Variants in ANGPTL4 observed in about 807,000 individuals in gnomAD.
ANGPTL4 encodes angiopoietin-related protein 4.
In ANGPTL4, 39 loss-of-function variants were observed where a neutral mutation model predicts 39.2. The ratio of observed to expected loss-of-function variants is 1.00; its 90% confidence interval spans 0.77 to 1.30. The LOEUF (loss-of-function observed/expected upper bound fraction) is 1.30, where lower values mean the gene tolerates loss of function less well. ANGPTL4 is among the 50% of genes most tolerant of loss of function. ANGPTL4 has a pLI of 0.00. For synonymous variants in ANGPTL4, 233 were observed against 229.5 expected, an observed-to-expected ratio of 1.02 and a Z score of -0.14; for missense variants, 545 against 549.8, an observed-to-expected ratio of 0.99 and a Z score of 0.09.
intron 6 of ANGPTL4, among the ~76,000 whole-genome samples, chr19:8,372,387 G>A (rs1971138313): frequency 6.7e-6 from 1 of 148,534 alleles, no homozygotes. Context: ...GTGCTCCACA[G>A]GATTCTTTTT....
Position 8,373,725 on chromosome 19 carries a change from T to C in ANGPTL4, c.1060T>C (p.Cys354Arg). 1.2e-6 allele frequency: 2 copies of C among 1,613,916 alleles called. No homozygotes were observed. Among genetic ancestry groups the C allele is most frequent in the Non-Finnish European group, 1.7e-6 (2 of 1,180,036 alleles). The change falls in exon 7 of 7, where the codon TGC (cysteine) becomes CGC (arginine). Residue 354 changes from cysteine (C) to arginine (R), a missense_variant. Coordinates refer to ENST00000301455, the MANE Select transcript of ANGPTL4 (RefSeq NM_139314.3). ...GGCAGGAGGCTGGTGGTTTGGCACC[T>C]GCAGCCATTCCAACCTCAACGGCCA... ...SLSGGWWFGT[C>R]SHSNLNGQYF...
chr19:8,370,957 T>A, intron 4 of ANGPTL4, 99 bp from the exon 5 acceptor site: 8 of 1,327,112 alleles, frequency 6.0e-6, no homozygotes, highest in Non-Finnish European at 8.5e-6. Context: ...GCTGCTGTCT[T>A]CCTGGGTTTG....
rs775492300 is a variant in ANGPTL4, at chr19:8,373,935, G to C, written c.*49G>C. The stretch of plus-strand genomic sequence containing the variant: ...GGCCCACGAAAGACGGTGACTCTTG[G>C]CTCTGCCCGAGGATGTGGCCGTTCC... On this transcript the variant is annotated 3_prime_UTR_variant, in exon 7 of 7. Coordinates refer to ENST00000301455, the MANE Select transcript of ANGPTL4 (RefSeq NM_139314.3). 1 of 1,599,522 alleles carries C rather than the reference G, an allele frequency of 6.3e-7. No individual in the cohort carries two copies. The highest frequency in any genetic ancestry group is 1.1e-5 in the South Asian group (1 of 90,684).
rs182136645 is a variant in ANGPTL4, at chr19:8,374,258, C to A, written c.*372C>A. On this transcript the variant is annotated 3_prime_UTR_variant, in exon 7 of 7. Coordinates refer to ENST00000301455, the MANE Select transcript of ANGPTL4 (RefSeq NM_139314.3). Reference sequence around the variant, plus strand: ...GACCAGGGCTTGTGTGGGTCGAGAGCGCCCTCATGGTGCTGGTGCTGTTGT... The same window carrying A: ...GACCAGGGCTTGTGTGGGTCGAGAGAGCCCTCATGGTGCTGGTGCTGTTGT... 6.6e-6 allele frequency: 2 copies of A among 300,856 alleles called. No individual in the cohort carries two copies. The highest frequency in any genetic ancestry group is 4.3e-5 in the African/African-American group (2 of 46,302). 18.6% of individuals were successfully genotyped at this position (300,856 alleles called of 1,614,324 possible). A position where few individuals can be genotyped will look rare whatever the true frequency, so the allele number is the denominator to read the frequency against.
In ANGPTL4 at chr19:8,373,909, A is replaced by T; in HGVS notation, c.*23A>T. ...TAGCGTCCTGGCTGGGCCTGGTCCC[A>T]GGCCCACGAAAGACGGTGACTCTTG... On this transcript the variant is annotated 3_prime_UTR_variant, in exon 7 of 7. Coordinates refer to ENST00000301455, the MANE Select transcript of ANGPTL4 (RefSeq NM_139314.3). The T allele has an allele frequency of 2.5e-6, 4 of 1,611,066 alleles. No individual in the cohort carries two copies. The highest frequency in any genetic ancestry group is 3.4e-6 in the Non-Finnish European group (4 of 1,179,026).
chr19:8,373,677 C>T (rs1461780702), intron 6 of ANGPTL4, 28 bp from the exon 7 acceptor site: 1 of 1,613,710 alleles, frequency 6.2e-7, no homozygotes, highest in East Asian at 2.2e-5. Context: ...AAGACCTGAC[C>T]ATGTTCCCTC....
chr19:8,365,642 G>A (rs959300881), intron 1 of ANGPTL4, among the ~76,000 whole-genome samples: 61 of 152,004 alleles, frequency 4.0e-4, no homozygotes, highest in Non-Finnish European at 1.9e-4. Flanking sequence ...GTGACAGAGC[G>A]AGACTCTGTC....
intron 3 of ANGPTL4, among the ~76,000 whole-genome samples, chr19:8,366,900 C>T (rs1000714703): frequency 1.3e-5 from 2 of 151,740 alleles, no homozygotes; most frequent in African/African-American, 4.8e-5. Context: ...CCCCTCCCCA[C>T]CGCAGAAAGT....
At chr19:8,370,048 C>G (rs1436245299) in intron 4 of ANGPTL4, among the ~76,000 whole-genome samples, 2 of 151,402 alleles carry the variant, frequency 1.3e-5, no homozygotes, top group African/African-American at 4.9e-5. Context: ...ACTAAAAATA[C>G]AAAAATTAGC....
intron 4 of ANGPTL4, among the ~76,000 whole-genome samples, chr19:8,370,623 C>G (rs940492820): frequency 2.0e-5 from 3 of 151,274 alleles, no homozygotes; most frequent in African/African-American, 7.3e-5. Context: ...TCGCTTGAGC[C>G]CCGAAGGCAG....
chr19:8,370,355 G>T (rs1261213846), intron 4 of ANGPTL4, among the ~76,000 whole-genome samples: 2 of 151,470 alleles, frequency 1.3e-5, no homozygotes. Flanking sequence ...GCCGTGAGCC[G>T]TGATCACACC....
intron 3 of ANGPTL4, 78 bp downstream of exon 3, chr19:8,366,397 G>A (rs1971007866): frequency 2.0e-6 from 3 of 1,473,076 alleles, no homozygotes; most frequent in Admixed American, 3.4e-5. Context: ...CTCCTTGTCA[G>A]GTCCACCTTA....
chr19:8,364,259 C>T lies in ANGPTL4; in HGVS notation c.-63C>T. On this transcript the variant is annotated 5_prime_UTR_variant, in exon 1 of 7. Transcript: ENST00000301455. ...CCCGGTCCTCCGCGTCTCCAGTCCT[C>T]GCACCTGGAACCCCAACGTCCCCGA... is the stretch of plus-strand genomic sequence containing the variant. 1 of 1,488,532 alleles carries T rather than the reference C, an allele frequency of 6.7e-7. No homozygotes were observed. Among genetic ancestry groups the T allele is most frequent in the South Asian group, 1.2e-5 (1 of 80,440 alleles). 92.2% of individuals were successfully genotyped at this position (1,488,532 alleles called of 1,614,324 possible). A position where few individuals can be genotyped will look rare whatever the true frequency, so the allele number is the denominator to read the frequency against.
At position 8,365,307 on chromosome 19, in the gene ANGPTL4, G is replaced by A. The variant is rs1231113470; in HGVS notation, c.319-647G>A. The stretch of plus-strand genomic sequence containing the variant: ...AGCCTGACCAACACAGTGAAACCCC[G>A]TCTCTACTAAAAATACAAAAATTAG... On this transcript the variant is annotated intron_variant, in intron 1 of 6. Coordinates refer to ENST00000301455, the MANE Select transcript of ANGPTL4 (RefSeq NM_139314.3). Among the ~76,000 whole-genome samples the A allele has an allele frequency of 6.6e-5, 10 of 151,194 alleles. No individual in the cohort carries two copies. In the South Asian group the frequency reaches 2.1e-3, roughly 32 times the overall value.
chr19:8,368,527 T>C (rs1054656950), intron 3 of ANGPTL4, among the ~76,000 whole-genome samples: 2 of 152,034 alleles, frequency 1.3e-5, no homozygotes, highest in Admixed American at 1.3e-4. Flanking sequence ...CAAGGCAGGG[T>C]GTCCTTCCAG....
At chr19:8,365,926 C>T in intron 1 of ANGPTL4, 28 bp from the exon 2 acceptor site, 4 of 1,587,524 alleles carry the variant, frequency 2.5e-6, no homozygotes, top group Non-Finnish European at 3.5e-6. Flanking sequence ...CAAGCTGGGT[C>T]CTCACCAAGG....
At chr19:8,367,352 T>A (rs1971026995) in intron 3 of ANGPTL4, among the ~76,000 whole-genome samples, 1 of 151,844 alleles carries the variant, frequency 6.6e-6, no homozygotes, top group Non-Finnish European at 1.5e-5. Context: ...GGGGCAGGGG[T>A]TCTGTGGGTT....
rs1599670976 is a variant in ANGPTL4 at position 8,369,312 on chromosome 19, T to G, written c.641T>G (p.Val214Gly). 4 of 1,611,884 alleles carry G rather than the reference T, an allele frequency of 2.5e-6. No homozygotes were observed. Among genetic ancestry groups the G allele is most frequent in the Non-Finnish European group, 3.4e-6 (4 of 1,179,680 alleles). ...CCTCAGGGGTCTCCGCCATTTTTGG[T>G]GAACTGCAAGATGACCTCAGGTAGG... ...IQPQGSPPFL[V>G]NCKMTSDGGW... Residue 214 changes from valine (V) to glycine (G), a missense_variant, in exon 4 of 7, where the codon GTG becomes GGG. Physicochemically the swap from Val to Gly is moderately radical, Grantham distance 109 (BLOSUM62 -3). Transcript: ENST00000301455.
chr19:8,366,175 T>A (rs1279783225), intron 2 of ANGPTL4, 27 bp from the exon 3 acceptor site: 1 of 1,612,170 alleles, frequency 6.2e-7, no homozygotes, highest in Admixed American at 1.7e-5. Flanking sequence ...AGGCAGGACC[T>A]GACACCCTCC....
Sources: allele counts gnomAD v4.1 joint callset (sites outside exome capture counted in the v4.1 genomes callset), GRCh38; gene constraint gnomAD v4.1.1; transcripts MANE v1.5; gene names NCBI Gene and HGNC (gene_info 2026-07-23, HGNC 2026-07-21).